The following GRAMD1B variants were observed in gnomAD, a reference collection of about 807,000 sequenced individuals.
The protein encoded by GRAMD1B is protein Aster-B.
A neutral mutation model predicts 99.7 loss-of-function variants in GRAMD1B; 37 were observed. The ratio of observed to expected loss-of-function variants is 0.37; its 90% confidence interval spans 0.29 to 0.49. GRAMD1B has a LOEUF of 0.49. Ranked by LOEUF, GRAMD1B falls within the 20% of genes least tolerant of loss-of-function variation. The pLI is 0.98. For synonymous variants in GRAMD1B, 427 were observed against 387.6 expected (o/e 1.10, Z -1.19); for missense variants, 888 against 1,009.2 (o/e 0.88, Z 1.63).
intron 19 of GRAMD1B, among the ~76,000 whole-genome samples, chr11:123,621,869 T>C (rs12289962): frequency 2.6e-5 from 3 of 114,158 alleles, no homozygotes; most frequent in Admixed American, 9.0e-5. Flanking sequence ...TTCTTTCTTT[T>C]CTTTCTTTCT....
At chr11:123,481,868 C>T (rs1021539765) in intron 2 of GRAMD1B, among the ~76,000 whole-genome samples, 9 of 152,184 alleles carry the variant, frequency 5.9e-5, no homozygotes, top group African/African-American at 2.2e-4. Context: ...ACCGCAGGGG[C>T]TCTGCTTTTG....
upstream of GRAMD1B, among the ~76,000 whole-genome samples, chr11:123,430,046 A>G (rs951442869): frequency 6.6e-5 from 10 of 151,900 alleles, no homozygotes; most frequent in South Asian, 2.1e-4. Context: ...TGCCTGGCCA[A>G]TCGTTGCCCT....
chr11:123,466,424 AAGAAAGAAAGGAAGAAAGAAAGAAAG>A (rs1950674461), intron 1 of GRAMD1B, among the ~76,000 whole-genome samples: 2 of 151,232 alleles, frequency 1.3e-5, no homozygotes, highest in Admixed American at 1.3e-4. Context: ...GAAAGAGAAA[AAGAAAGAAAGGAAGAAAGAAAGAAAG>A]AGAAAGAAAG....
chr11:123,488,148 T>C (rs1473183691), intron 2 of GRAMD1B, among the ~76,000 whole-genome samples: 1 of 152,158 alleles, frequency 6.6e-6, no homozygotes, highest in Non-Finnish European at 1.5e-5. Context: ...TCAGCCCCCT[T>C]ATAGGGGCAC....
At chr11:123,426,824 T>C (rs1241883320), upstream of GRAMD1B, among the ~76,000 whole-genome samples, 4 of 152,206 alleles carry the variant, frequency 2.6e-5, no homozygotes, top group Admixed American at 2.6e-4. Context: ...AGCTACTATG[T>C]TTCACTAAAG....
chr11:123,423,486 C>T (rs1948532842), intron 1 of GRAMD1B, among the ~76,000 whole-genome samples: 1 of 152,126 alleles, frequency 6.6e-6, no homozygotes, highest in African/African-American at 2.4e-5. Flanking sequence ...GTCCCTCATT[C>T]TTTTTGCTGA....
At chr11:123,466,417 A>G (rs1403569478) in intron 1 of GRAMD1B, among the ~76,000 whole-genome samples, 1 of 151,596 alleles carries the variant, frequency 6.6e-6, no homozygotes, top group Admixed American at 6.6e-5. Context: ...GAAGAAAGAA[A>G]GAGAAAAAGA....
intron 1 of GRAMD1B, among the ~76,000 whole-genome samples, chr11:123,410,443 C>A (rs1948005314): frequency 6.6e-6 from 1 of 152,162 alleles, no homozygotes; most frequent in African/African-American, 2.4e-5. Flanking sequence ...AAAACAAATA[C>A]TTTTGAGCAA....
intron 2 of GRAMD1B, among the ~76,000 whole-genome samples, chr11:123,534,940 C>T (rs2135595954): frequency 1.3e-5 from 2 of 152,060 alleles, no homozygotes; most frequent in East Asian, 3.9e-4. Context: ...AGACTGAGGG[C>T]CTTGGGAAGG....
At position 123,597,999 on chromosome 11, in the gene GRAMD1B, C is replaced by T. The variant is rs1014940115; in HGVS notation, c.969+1962C>T. 4.0e-6 allele frequency: 5 copies of T among 1,238,474 alleles called. No individual in the cohort carries two copies. In the African/African-American group the frequency reaches 7.4e-5, roughly 18 times the overall value. The allele number at this position is 1,238,474 out of a possible 1,614,324, so 76.7% of individuals were successfully genotyped here. On this transcript the variant is annotated intron_variant, in intron 7 of 19. Coordinates refer to ENST00000635736, the MANE Select transcript of GRAMD1B (RefSeq NM_001387025.1). ...TATGTCTTCTTATTCACAGCATTCCCACTTGAGTCTTCATATTCTTCCTCA... is the reference window on the plus strand; with the variant it reads ...TATGTCTTCTTATTCACAGCATTCCTACTTGAGTCTTCATATTCTTCCTCA...
At chr11:123,365,511 C>T (rs1255238585) in intron 1 of GRAMD1B, among the ~76,000 whole-genome samples, 1 of 152,198 alleles carries the variant, frequency 6.6e-6, no homozygotes, top group Non-Finnish European at 1.5e-5. Flanking sequence ...CTTAGCCTCC[C>T]AAAGTGTTGG....
rs116581813 is a variant in GRAMD1B, at chr11:123,360,849, T to A, written c.-176+2050T>A. The stretch of plus-strand genomic sequence containing the variant: ...CTTCCTTCCTTCCATGGAGTTTCGC[T>A]CTTATTGTGCAGACTGGAGTGCAGT... On this transcript the variant is annotated intron_variant, in intron 1 of 20. Transcript: ENST00000638157. Among the ~76,000 whole-genome samples, 671 of 144,720 alleles carry A rather than the reference T, an allele frequency of 4.6e-3. 3 individuals carry two copies. The highest frequency in any genetic ancestry group is 0.016 in the African/African-American group (633 of 39,014). 94.9% of individuals were successfully genotyped at this position (144,720 alleles called of 152,430 possible). A position where few individuals can be genotyped will look rare whatever the true frequency, so the allele number is the denominator to read the frequency against.
Position 123,618,773 on chromosome 11 carries a change from C to T in GRAMD1B, c.2399C>T (p.Ala800Val). ...MLEYTTQTLTAWQGLRLQERL... is the reference protein window; with the variant it reads ...MLEYTTQTLTVWQGLRLQERL... ...GAATACACCACGCAGACCCTCACTG[C>T]CTGGCAGGGTCTAAGGCTCCAAGAA... The change falls in exon 18 of 20, where the codon GCC becomes GTC. Residue 800 changes from alanine to valine, a missense_variant. This residue lies in a region of GRAMD1B where 232 missense variants were observed against 261.7 expected (regional missense o/e 0.89). Transcript: ENST00000635736. The T allele has an allele frequency of 6.4e-7, 1 of 1,567,316 alleles. No individual in the cohort carries two copies. The highest frequency in any genetic ancestry group is 8.7e-7 in the Non-Finnish European group (1 of 1,150,798).
At position 123,612,863 on chromosome 11, in the gene GRAMD1B, A is replaced by G; in HGVS notation, c.2022A>G (p.Leu674=). The G allele has an allele frequency of 6.4e-7, 1 of 1,560,284 alleles. No homozygotes were observed. The highest frequency in any genetic ancestry group is 8.8e-7 in the Non-Finnish European group (1 of 1,131,934). The change falls in exon 15 of 20, where the codon TTA becomes TTG. Residue 674 remains leucine (L), a splice_region_variant and synonymous_variant. Coordinates refer to ENST00000635736, the MANE Select transcript of GRAMD1B (RefSeq NM_001387025.1). Reference sequence around the variant, plus strand: ...GGCTGGAGGACTACTTCCGCCATTTAGGTGAGCACTGCAATCCTTGCTGCT... The same window carrying G: ...GGCTGGAGGACTACTTCCGCCATTTGGGTGAGCACTGCAATCCTTGCTGCT... ...WSGLEDYFRH[L]ESELAKTEST...
intron 2 of GRAMD1B, among the ~76,000 whole-genome samples, chr11:123,561,153 T>C (rs1246605529): frequency 6.6e-6 from 1 of 152,092 alleles, no homozygotes; most frequent in Non-Finnish European, 1.5e-5. Context: ...CCCTCTAACT[T>C]GGAGAAAGGA....
chr11:123,494,089 G>C (rs1430372516), intron 2 of GRAMD1B, among the ~76,000 whole-genome samples: 1 of 152,156 alleles, frequency 6.6e-6, no homozygotes, highest in Admixed American at 6.5e-5. Context: ...TGAGAGCAGG[G>C]ACCATCTTTG....
intron 2 of GRAMD1B, among the ~76,000 whole-genome samples, chr11:123,498,015 C>T (rs1184147417): frequency 6.6e-6 from 1 of 152,148 alleles, no homozygotes; most frequent in Non-Finnish European, 1.5e-5. Context: ...CTGTGGCCAC[C>T]ACCACCGGCC....
chr11:123,602,695 T>C (rs534759057), intron 8 of GRAMD1B, among the ~76,000 whole-genome samples: 10 of 152,278 alleles, frequency 6.6e-5, no homozygotes, highest in Admixed American at 5.9e-4. Flanking sequence ...CTGAACCCAA[T>C]GAGAACAAAC....
intron 1 of GRAMD1B, among the ~76,000 whole-genome samples, chr11:123,475,079 A>G (rs907579701): frequency 6.6e-6 from 1 of 152,168 alleles, no homozygotes; most frequent in Non-Finnish European, 1.5e-5. Context: ...CCGTCTTTCT[A>G]GCAGTAAAGC....
Sources: allele counts gnomAD v4.1 joint callset (sites outside exome capture counted in the v4.1 genomes callset), GRCh38; gene constraint gnomAD v4.1.1; regional missense constraint gnomAD v4.1.1; transcripts MANE v1.5; gene names NCBI Gene and HGNC (gene_info 2026-07-23, HGNC 2026-07-21).